DLGAP1: variants seen among roughly 807,000 people sequenced by gnomAD.
The protein encoded by DLGAP1 is DLG associated protein 1.
DLGAP1 carries 11 observed loss-of-function variants against 90.8 expected under a neutral mutation model. That is an observed-to-expected ratio of 0.12 (90% CI 0.08 to 0.20). The LOEUF (loss-of-function observed/expected upper bound fraction) is 0.20, where lower values mean the gene tolerates loss of function less well. DLGAP1 is among the 10% of genes least tolerant of loss of function. The pLI is 1.00. For missense variants in DLGAP1, 1,050 were observed against 1,333.8 expected, an observed-to-expected ratio of 0.79 and a Z score of 3.31; for synonymous variants, 558 against 540.7, an observed-to-expected ratio of 1.03 and a Z score of -0.44.
intron 1 of DLGAP1, among the ~76,000 whole-genome samples, chr18:4,214,379 T>C (rs1392223149): frequency 6.6e-6 from 1 of 151,954 alleles, no homozygotes; most frequent in African/African-American, 2.4e-5. Context: ...ATTTTATTCA[T>C]AGGGTGGCCC....
chr18:4,303,223 C>A (rs558941104), intron 1 of DLGAP1, among the ~76,000 whole-genome samples: 1 of 152,088 alleles, frequency 6.6e-6, no homozygotes, highest in Non-Finnish European at 1.5e-5. Flanking sequence ...TGTGTGGCTT[C>A]TGTTAATTTC....
chr18:4,099,101 C>T (rs555004156), intron 2 of DLGAP1, among the ~76,000 whole-genome samples: 16 of 152,312 alleles, frequency 1.1e-4, no homozygotes, highest in African/African-American at 3.8e-4. Flanking sequence ...TCAAAACTAT[C>T]TTCTAGTTTT....
intron 10 of DLGAP1, among the ~76,000 whole-genome samples, chr18:3,523,624 G>A (rs12709595): frequency 0.45 from 67,909 of 151,122 alleles, 16,481 homozygotes; most frequent in African/African-American, 0.64. Context: ...AAGGAGGGCG[G>A]ATCACGAGGT....
intron 10 of DLGAP1, among the ~76,000 whole-genome samples, chr18:3,513,594 T>A (rs2050665033): frequency 6.6e-6 from 1 of 152,300 alleles, no homozygotes; most frequent in East Asian, 1.9e-4. Context: ...TCCATCTACC[T>A]GAAGTGACTG....
chr18:3,977,434 G>GTTTTTTTTTTTTTTT lies in DLGAP1; in HGVS notation c.-73+27667_-73+27681dup, dbSNP rs58599574. Among the ~76,000 whole-genome samples, 28 of 95,326 alleles carry GTTTTTTTTTTTTTTT rather than the reference G, an allele frequency of 2.9e-4. 2 individuals carry two copies. The highest frequency in any genetic ancestry group is 9.6e-4 in the African/African-American group (23 of 23,968). 62.5% of individuals were successfully genotyped at this position (95,326 alleles called of 152,430 possible). A position where few individuals can be genotyped will look rare whatever the true frequency, so the allele number is the denominator to read the frequency against. ...AGTTAATGAATTATGTTTATTCTGT[G>GTTTTTTTTTTTTTTT]TTTTTTTTTTTTTTTTTTTTGCTGA... is the stretch of plus-strand genomic sequence containing the variant. On this transcript the variant is annotated intron_variant, in intron 3 of 12. Coordinates refer to ENST00000315677, the MANE Select transcript of DLGAP1 (RefSeq NM_004746.4).
chr18:4,435,414 G>A (rs181446288), intron 1 of DLGAP1, among the ~76,000 whole-genome samples: 55 of 152,238 alleles, frequency 3.6e-4, no homozygotes, highest in Admixed American at 1.4e-3. Flanking sequence ...TAATGGAAAG[G>A]TATTATGGAA....
intron 6 of DLGAP1, among the ~76,000 whole-genome samples, chr18:3,730,374 C>CT (rs34135102): frequency 6.6e-6 from 1 of 152,168 alleles, no homozygotes; most frequent in South Asian, 2.1e-4. Context: ...TGGGGGCCCT[C>CT]TTTTTTTGAC....
chr18:4,228,235 C>T (rs2078232410), intron 1 of DLGAP1, among the ~76,000 whole-genome samples: 1 of 151,904 alleles, frequency 6.6e-6, no homozygotes, highest in Non-Finnish European at 1.5e-5. Context: ...CAAAGATAAG[C>T]CTGGGACCTG....
chr18:3,818,721 T>C (rs1458075968), intron 4 of DLGAP1, among the ~76,000 whole-genome samples: 1 of 151,240 alleles, frequency 6.6e-6, no homozygotes, highest in Admixed American at 6.6e-5. Flanking sequence ...CCTGCCTCCC[T>C]AGTAGATGGG....
Position 3,508,559 on chromosome 18 carries a change from G to T in DLGAP1, c.2571+11C>A, listed in dbSNP as rs765939102. ...CTAGCAGGGAAATTGTAGAAGGAGA[G>T]TGTTACCTACCAGGTTTTCTTCACA... is the stretch of plus-strand genomic sequence containing the variant. On this transcript the variant is annotated intron_variant, in intron 11 of 12. Coordinates refer to ENST00000315677, the MANE Select transcript of DLGAP1 (RefSeq NM_004746.4). 6.2e-7 allele frequency: 1 copy of T among 1,600,918 alleles called. No homozygotes were observed. Among genetic ancestry groups the T allele is most frequent in the East Asian group, 2.2e-5 (1 of 44,604 alleles).
Position 3,653,184 on chromosome 18 carries a change from T to C in DLGAP1, c.1592-70936A>G, listed in dbSNP as rs1172649211. Among the ~76,000 whole-genome samples, 1 of 152,144 alleles carries C rather than the reference T, an allele frequency of 6.6e-6. No homozygotes were observed. Among genetic ancestry groups the C allele is most frequent in the African/African-American group, 2.4e-5 (1 of 41,424 alleles). On this transcript the variant is annotated intron_variant, in intron 7 of 12. Coordinates refer to ENST00000315677, the MANE Select transcript of DLGAP1 (RefSeq NM_004746.4). The surrounding 1 kb of genome is among the most constrained non-coding windows in gnomAD (Gnocchi z 4.6). ...AGAAAAGACCTTATTCAGAGAAATA[T>C]TTAGAAGACTCTTGTGGAATTCTTG...
At chr18:3,523,676 T>C (rs1431045404) in intron 10 of DLGAP1, among the ~76,000 whole-genome samples, 2 of 151,542 alleles carry the variant, frequency 1.3e-5, no homozygotes, top group Admixed American at 6.6e-5. Context: ...TGAAACCCCG[T>C]CTCTACTAAA....
chr18:4,421,440 TA>T (rs1361314342), intron 1 of DLGAP1, among the ~76,000 whole-genome samples: 2 of 152,178 alleles, frequency 1.3e-5, no homozygotes, highest in Non-Finnish European at 2.9e-5. Flanking sequence ...CCATATAAGG[TA>T]ATGTTCACTC....
intron 1 of DLGAP1, among the ~76,000 whole-genome samples, chr18:4,253,359 T>C (rs1409526833): frequency 6.6e-6 from 1 of 152,172 alleles, no homozygotes; most frequent in African/African-American, 2.4e-5. Flanking sequence ...TTCTGAAATA[T>C]TTGAACATAG....
intron 5 of DLGAP1, among the ~76,000 whole-genome samples, chr18:3,754,723 CAAAAAAA>C (rs1161245616): frequency 1.7e-5 from 1 of 58,764 alleles, no homozygotes; most frequent in Admixed American, 2.3e-4. Flanking sequence ...TACTAAAATA[CAAAAAAA>C]AAAAAAAAAA....
chr18:4,282,842 T>C (rs753000283), intron 1 of DLGAP1, among the ~76,000 whole-genome samples: 2 of 152,228 alleles, frequency 1.3e-5, no homozygotes, highest in South Asian at 4.1e-4. Context: ...GATATGATCA[T>C]AGCAAATAAT....
intron 1 of DLGAP1, among the ~76,000 whole-genome samples, chr18:4,356,115 G>T (rs1260499508): frequency 6.6e-6 from 1 of 151,862 alleles, no homozygotes; most frequent in Admixed American, 6.6e-5. Flanking sequence ...ACCGTAGTCA[G>T]TTGGACTCTG....
At chr18:4,368,191 TC>T (rs1274417309) in intron 1 of DLGAP1, among the ~76,000 whole-genome samples, 2 of 152,208 alleles carry the variant, frequency 1.3e-5, no homozygotes, top group Non-Finnish European at 2.9e-5. Flanking sequence ...TAAAGAAATT[TC>T]TAACAAGTCT....
At chr18:4,019,055 T>G (rs1417105625) in intron 2 of DLGAP1, among the ~76,000 whole-genome samples, 1 of 152,226 alleles carries the variant, frequency 6.6e-6, no homozygotes, top group Admixed American at 6.5e-5. Flanking sequence ...TCTTCCTGCT[T>G]GGAGCTCTTT....
Sources: allele counts gnomAD v4.1 joint callset (sites outside exome capture counted in the v4.1 genomes callset), GRCh38; gene constraint gnomAD v4.1.1; non-coding constraint Gnocchi (gnomAD v3.1); transcripts MANE v1.5; gene names NCBI Gene and HGNC (gene_info 2026-07-23, HGNC 2026-07-21).